Variants in ATAD5 observed in about 807,000 individuals in gnomAD.
ATAD5 encodes ATPase family AAA domain-containing protein 5.
In ATAD5, 58 loss-of-function variants were observed where a neutral mutation model predicts 176.9. That is an observed-to-expected ratio of 0.33 (90% CI 0.27 to 0.41). The LOEUF (loss-of-function observed/expected upper bound fraction) is 0.41, where lower values mean the gene tolerates loss of function less well. ATAD5 is among the 10% of genes least tolerant of loss of function. The pLI is 1.00. For synonymous variants in ATAD5, 640 were observed against 712.6 expected, an observed-to-expected ratio of 0.90 and a Z score of 1.62; for missense variants, 1,789 against 2,094.1, an observed-to-expected ratio of 0.85 and a Z score of 2.84.
At chr17:30,894,488 A>G (rs1909811435) in intron 21 of ATAD5, 76 bp from the exon 22 acceptor site, 1 of 1,436,702 alleles carries the variant, frequency 7.0e-7, no homozygotes, top group Non-Finnish European at 9.5e-7. Flanking sequence ...AGGCAAGGAA[A>G]CTAAACTGGT....
At chr17:30,842,378 T>C (rs1272259847) in intron 4 of ATAD5, among the ~76,000 whole-genome samples, 5 of 152,184 alleles carry the variant, frequency 3.3e-5, no homozygotes, top group Admixed American at 1.3e-4. Context: ...TTTCCTGATA[T>C]GTACTTTTGT....
rs756186712 is a variant in ATAD5, at chr17:30,840,801, G to A, written c.2241+20G>A. The A allele has an allele frequency of 1.9e-6, 3 of 1,580,422 alleles. No homozygotes were observed. The highest frequency in any genetic ancestry group is 2.4e-5 in the South Asian group (2 of 84,488). On this transcript the variant is annotated intron_variant, in intron 4 of 22. Transcript: ENST00000321990. ...ACAGAAGTAAGTATTATAAATATCT[G>A]TTGGTATAAATTCTCTCCTATTTTG... is the stretch of plus-strand genomic sequence containing the variant.
intron 10 of ATAD5, among the ~76,000 whole-genome samples, chr17:30,861,055 G>A (rs574856129): frequency 1.3e-5 from 2 of 151,708 alleles, no homozygotes; most frequent in South Asian, 2.1e-4. Context: ...CACCCACCTC[G>A]GCCTCCCAAA....
Position 30,844,008 on chromosome 17 carries a change from A to T in ATAD5, c.2337A>T (p.Lys779Asn), listed in dbSNP as rs149463497. The change falls in exon 5 of 23, where the codon AAA becomes AAT. Residue 779 changes from lysine to asparagine, a missense_variant. Lys to Asn is a moderately conservative substitution (Grantham distance 94). Coordinates refer to ENST00000321990, the MANE Select transcript of ATAD5 (RefSeq NM_024857.5). ...AGTGTTTGAATGATGTGCTAGGAAA[A>T]AAACTTAACACATCCACTAAAAATG... ...KLQCLNDVLGKKLNTSTKNVP... is the reference protein window; with the variant it reads ...KLQCLNDVLGNKLNTSTKNVP... The T allele has an allele frequency of 4.9e-4, 768 of 1,556,326 alleles. No individual in the cohort carries two copies. Among genetic ancestry groups the T allele is most frequent in the Non-Finnish European group, 6.2e-4 (715 of 1,155,098 alleles).
At chr17:30,866,593 T>TCA (rs1246798200) in intron 11 of ATAD5, among the ~76,000 whole-genome samples, 1 of 151,200 alleles carries the variant, frequency 6.6e-6, no homozygotes, top group Non-Finnish European at 1.5e-5. Flanking sequence ...GGCGGGCAGA[T>TCA]CACTTGAGGC....
At chr17:30,850,820 TATTTATATATTTTTA>T (rs1567683412) in intron 6 of ATAD5, among the ~76,000 whole-genome samples, 1 of 76,792 alleles carries the variant, frequency 1.3e-5, no homozygotes, top group African/African-American at 7.1e-5. Context: ...TTATTATTTA[TATTTATATATTTTTA>T]TATATATATA....
At chr17:30,871,202 A>C (rs1243853940) in intron 14 of ATAD5, among the ~76,000 whole-genome samples, 1 of 145,746 alleles carries the variant, frequency 6.9e-6, no homozygotes, top group Non-Finnish European at 1.5e-5. Flanking sequence ...TATAGTTTTC[A>C]TTTCTAGAAG....
At chr17:30,889,695 C>G (rs2052804215) in intron 19 of ATAD5, among the ~76,000 whole-genome samples, 1 of 151,780 alleles carries the variant, frequency 6.6e-6, no homozygotes, top group African/African-American at 2.4e-5. Context: ...GGTTCCTTGC[C>G]TGAAGAAGTT....
chr17:30,855,359 T>C (rs779943409), intron 7 of ATAD5, 32 bp downstream of exon 7: 1 of 1,532,954 alleles, frequency 6.5e-7, no homozygotes, highest in South Asian at 1.3e-5. Context: ...GAATATTTAC[T>C]CTTCAGCTGT....
At chr17:30,842,725 T>C (rs1304198228) in intron 4 of ATAD5, among the ~76,000 whole-genome samples, 1 of 152,166 alleles carries the variant, frequency 6.6e-6, no homozygotes, top group Non-Finnish European at 1.5e-5. Context: ...ATTTTCTGCA[T>C]ATGAATACCA....
chr17:30,850,228 G>C (rs1906786878), intron 6 of ATAD5, among the ~76,000 whole-genome samples: 1 of 151,788 alleles, frequency 6.6e-6, no homozygotes, highest in Non-Finnish European at 1.5e-5. Flanking sequence ...TAGTACTGTA[G>C]AACACTAGAA....
Position 30,868,424 on chromosome 17 carries a change from G to GT in ATAD5, c.3313+13dup. On this transcript the variant is annotated intron_variant, in intron 12 of 22. Transcript: ENST00000321990. ...TGAGAAACATGAAGGTATTTTGTGT[G>GT]TCTTTTTTTTTTTTTTTACCATTTC... is the stretch of plus-strand genomic sequence containing the variant. 1.5e-6 allele frequency: 2 copies of GT among 1,365,824 alleles called. No homozygotes were observed. The highest frequency in any genetic ancestry group is 1.6e-5 in the South Asian group (1 of 61,082). 84.6% of individuals were successfully genotyped at this position (1,365,824 alleles called of 1,614,324 possible).
At chr17:30,879,539 G>T in intron 18 of ATAD5, 52 bp downstream of exon 18, 5 of 1,450,148 alleles carry the variant, frequency 3.4e-6, no homozygotes, top group South Asian at 1.2e-5. Flanking sequence ...TCATGTAAAA[G>T]TAGTTTATTA....
intron 4 of ATAD5, among the ~76,000 whole-genome samples, chr17:30,843,510 C>T (rs1341003886): frequency 2.6e-5 from 4 of 151,804 alleles, no homozygotes; most frequent in South Asian, 2.1e-4. Context: ...ATTAGCTGGG[C>T]GTGGTGGCGC....
At chr17:30,881,022 C>T (rs1250502412) in intron 18 of ATAD5, among the ~76,000 whole-genome samples, 6 of 151,508 alleles carry the variant, frequency 4.0e-5, no homozygotes, top group Admixed American at 3.9e-4. Flanking sequence ...ATGAACAAGG[C>T]ACTTTTTTAA....
chr17:30,850,331 A>G (rs1031219015), intron 6 of ATAD5, among the ~76,000 whole-genome samples: 2 of 145,194 alleles, frequency 1.4e-5, no homozygotes, highest in Admixed American at 6.9e-5. Flanking sequence ...TCTATTAACC[A>G]CTATTCTACT....
chr17:30,862,291 G>A (rs1057320252), intron 10 of ATAD5, among the ~76,000 whole-genome samples: 3 of 150,630 alleles, frequency 2.0e-5, no homozygotes, highest in Non-Finnish European at 3.0e-5. Flanking sequence ...CCAAGATCTC[G>A]CCACTGCACT....
chr17:30,857,377 G>A (rs973224149), intron 8 of ATAD5, among the ~76,000 whole-genome samples: 6 of 151,688 alleles, frequency 4.0e-5, no homozygotes, highest in Non-Finnish European at 7.4e-5. Flanking sequence ...CACCATGCCC[G>A]GCTAATTTTT....
chr17:30,889,607 T>A (rs929191736), intron 19 of ATAD5, among the ~76,000 whole-genome samples: 3 of 151,868 alleles, frequency 2.0e-5, no homozygotes, highest in Non-Finnish European at 4.4e-5. Flanking sequence ...TTTCTTATTT[T>A]TTTTCAGTCA....
Sources: gnomAD v4.1 joint callset for allele counts (sites outside exome capture counted in the v4.1 genomes callset) on GRCh38, gnomAD v4.1.1 for gene constraint, MANE v1.5 for transcripts, NCBI Gene and HGNC (gene_info 2026-07-23, HGNC 2026-07-21) for gene names.